The following SPECC1 variants were observed in gnomAD, a reference collection of about 807,000 sequenced individuals.
SPECC1 encodes the protein cytospin-B.
Under a neutral mutation model 104.1 loss-of-function variants are expected in SPECC1, and 62 were observed. The ratio of observed to expected loss-of-function variants is 0.60; its 90% CI spans 0.49 to 0.74. SPECC1 has a LOEUF of 0.74. Among genes scored for constraint, SPECC1 ranks in the 30% least tolerant of loss-of-function variants. The pLI, the probability that SPECC1 is intolerant of heterozygous loss-of-function variation, is 0.00. For synonymous variants in SPECC1, 513 were observed against 501.6 expected (o/e 1.02, Z -0.30); for missense variants, 1,306 against 1,310.5 (o/e 1.00, Z 0.05).
intron 12 of SPECC1, among the ~76,000 whole-genome samples, chr17:20,271,472 C>G (rs142249133): frequency 6.6e-6 from 1 of 151,986 alleles, no homozygotes; most frequent in African/African-American, 2.4e-5. Context: ...GCAGCTTTTT[C>G]TTTTACACAA....
In SPECC1 at chr17:20,093,633, A is replaced by AG. The variant is rs765896223; in HGVS notation, c.-21-2994dup. ...ACCTGAAGAAACTTGGAGTGGGCCT[A>AG]GGGGTGCACCTGCTCCCCTTCTAGT... On this transcript the variant is annotated intron_variant, in intron 1 of 14. Coordinates refer to ENST00000395527, the MANE Select transcript of SPECC1 (RefSeq NM_001243439.2). 3.3e-5 allele frequency among the ~76,000 whole-genome samples: 5 copies of AG among 152,080 alleles called. No individual in the cohort carries two copies. In the East Asian group the frequency reaches 9.7e-4, roughly 29 times the overall value.
chr17:20,022,537 C>T (rs2044436157), intron 1 of SPECC1, among the ~76,000 whole-genome samples: 1 of 152,154 alleles, frequency 6.6e-6, no homozygotes, highest in Non-Finnish European at 1.5e-5. Context: ...CATGAACTTA[C>T]TTAGTTTTAC....
intron 14 of SPECC1, among the ~76,000 whole-genome samples, chr17:20,311,848 C>T (rs1200465377): frequency 6.6e-6 from 1 of 152,076 alleles, no homozygotes; most frequent in African/African-American, 2.4e-5. Context: ...TGAGAGTTAC[C>T]ACCTATAAAA....
intron 3 of SPECC1, among the ~76,000 whole-genome samples, chr17:20,139,217 G>A (rs1237434333): frequency 6.6e-6 from 1 of 152,174 alleles, no homozygotes; most frequent in African/African-American, 2.4e-5. Context: ...TCTGTTCCAA[G>A]CCTTTGGGTT....
At chr17:20,065,262 A>G (rs2046319655) in intron 1 of SPECC1, among the ~76,000 whole-genome samples, 1 of 152,146 alleles carries the variant, frequency 6.6e-6, no homozygotes, top group African/African-American at 2.4e-5. Context: ...GACGCTGTCT[A>G]CCTGGAGAGA....
chr17:20,270,326 A>G (rs922316421), intron 12 of SPECC1, among the ~76,000 whole-genome samples: 1 of 151,102 alleles, frequency 6.6e-6, no homozygotes, highest in Non-Finnish European at 1.5e-5. Context: ...AACAGACACG[A>G]TAGCTCATGC....
intron 7 of SPECC1, among the ~76,000 whole-genome samples, chr17:20,243,041 A>G (rs1052224548): frequency 3.3e-5 from 5 of 152,212 alleles, no homozygotes; most frequent in Non-Finnish European, 7.3e-5. Context: ...CAATCATGAA[A>G]TGCTGGAGGG....
At chr17:20,052,843 G>A (rs756876331) in intron 1 of SPECC1, among the ~76,000 whole-genome samples, 46 of 152,214 alleles carry the variant, frequency 3.0e-4, no homozygotes, top group Non-Finnish European at 6.3e-4. Context: ...GGAAGGTACA[G>A]GTAACAACAA....
intron 2 of SPECC1, among the ~76,000 whole-genome samples, chr17:20,104,494 C>T (rs2048091620): frequency 6.6e-6 from 1 of 151,876 alleles, no homozygotes; most frequent in Non-Finnish European, 1.5e-5. Flanking sequence ...TGTAATCCCG[C>T]CACTTTGGGA....
chr17:20,033,632 C>T (rs2044921962), intron 1 of SPECC1, among the ~76,000 whole-genome samples: 1 of 152,094 alleles, frequency 6.6e-6, no homozygotes. Context: ...GGGAAAGTGC[C>T]AGGCTGTTTT....
Position 20,029,098 on chromosome 17 carries a change from T to C in SPECC1, c.-22+19674T>C, listed in dbSNP as rs1007141268. Among the ~76,000 whole-genome samples, 17 of 152,232 alleles carry C rather than the reference T, an allele frequency of 1.1e-4. 1 individual carries two copies. The highest frequency in any genetic ancestry group is 8.5e-4 in the Admixed American group (13 of 15,286). On this transcript the variant is annotated intron_variant, in intron 1 of 14. Coordinates refer to ENST00000395527, the MANE Select transcript of SPECC1 (RefSeq NM_001243439.2). ...TTTGATAAGGATTTTGTTGAATTTA[T>C]AGATCAATTTGGAGAGCATTGCCAG...
chr17:20,066,286 C>A (rs2046355110), intron 1 of SPECC1, among the ~76,000 whole-genome samples: 1 of 152,228 alleles, frequency 6.6e-6, no homozygotes, highest in Non-Finnish European at 1.5e-5. Context: ...TCATTTTCAT[C>A]TTTGCCTTTC....
intron 3 of SPECC1, among the ~76,000 whole-genome samples, chr17:20,181,601 G>A (rs969887284): frequency 3.9e-5 from 6 of 151,982 alleles, no homozygotes; most frequent in Non-Finnish European, 4.4e-5. Context: ...TGGTATTGAT[G>A]CAATAAGGCA....
At chr17:20,298,278 G>A (rs1430880235) in intron 13 of SPECC1, among the ~76,000 whole-genome samples, 1 of 152,170 alleles carries the variant, frequency 6.6e-6, no homozygotes, top group Admixed American at 6.5e-5. Flanking sequence ...CTTGAACCTG[G>A]GAGGCAGATC....
chr17:20,183,022 T>C (rs2151239533), intron 3 of SPECC1, among the ~76,000 whole-genome samples: 1 of 152,308 alleles, frequency 6.6e-6, no homozygotes, highest in East Asian at 1.9e-4. Flanking sequence ...TTATAAAATA[T>C]GCTGAAATAT....
At position 20,231,782 on chromosome 17, in the gene SPECC1, A is replaced by G; in HGVS notation, c.2096A>G (p.Gln699Arg). 6.2e-7 allele frequency: 1 copy of G among 1,614,130 alleles called. No homozygotes were observed. The highest frequency in any genetic ancestry group is 8.5e-7 in the Non-Finnish European group (1 of 1,180,016). The change falls in exon 6 of 15, where the codon CAG becomes CGG. Residue 699 changes from glutamine to arginine, a missense_variant. Gln to Arg is a conservative substitution (Grantham distance 43). Transcript: ENST00000395527. ...LESSVIKLEEQKSDLERQLKT... is the reference protein window; with the variant it reads ...LESSVIKLEERKSDLERQLKT... ...GGTAGTGTGATCAAGCTGGAGGAAC[A>G]GAAGTCAGACCTGGAGAGGCAGCTG...
rs576294248 is a variant in SPECC1 at position 20,182,701 on chromosome 17, A to G, written c.284-21632A>G. Among the ~76,000 whole-genome samples the G allele has an allele frequency of 2.6e-5, 4 of 152,364 alleles. No homozygotes were observed. The South Asian group carries it at 8.3e-4, about 32-fold the overall frequency. On this transcript the variant is annotated intron_variant, in intron 3 of 14. Transcript: ENST00000395527. ...AGTATAACATTTTCAATGACAGCGTAATACTATCATTGGATTCAGAAAGTA... is the reference window on the plus strand; with the variant it reads ...AGTATAACATTTTCAATGACAGCGTGATACTATCATTGGATTCAGAAAGTA...
chr17:20,202,256 T>TA (rs1312423085), intron 3 of SPECC1, among the ~76,000 whole-genome samples: 1 of 152,170 alleles, frequency 6.6e-6, no homozygotes, highest in Non-Finnish European at 1.5e-5. Context: ...GCTTGGAAGG[T>TA]ACTGTGATGC....
intron 2 of SPECC1, among the ~76,000 whole-genome samples, chr17:20,105,512 T>G (rs1365256573): frequency 1.3e-5 from 2 of 152,148 alleles, no homozygotes; most frequent in South Asian, 2.1e-4. Flanking sequence ...ATCCCAAGTC[T>G]TCTTTTGCAT....
Sources: gnomAD v4.1 joint callset for allele counts (sites outside exome capture counted in the v4.1 genomes callset) on GRCh38, gnomAD v4.1.1 for gene constraint, MANE v1.5 for transcripts, NCBI Gene and HGNC (gene_info 2026-07-23, HGNC 2026-07-21) for gene names.